MEGF11: variants seen among roughly 807,000 people sequenced by gnomAD.
The protein encoded by MEGF11 is multiple EGF like domains 11.
MEGF11 carries 126 observed loss-of-function variants against 146.6 expected under a neutral mutation model. The ratio of observed to expected loss-of-function variants is 0.86; its 90% CI spans 0.74 to 1.00. The LOEUF is 1.00. Ranked by LOEUF, MEGF11 falls within the 50% of genes least tolerant of loss-of-function variation. The pLI, the probability that MEGF11 is intolerant of heterozygous loss-of-function variation, is 0.00. For synonymous variants in MEGF11, 532 were observed against 583.4 expected (o/e 0.91, Z 1.27); for missense variants, 1,509 against 1,521.2 (o/e 0.99, Z 0.13).
Position 66,011,720 on chromosome 15 carries a change from C to CTATTATTATTATTATTAT in MEGF11, c.395-29250_395-29233dup, listed in dbSNP as rs55863629. On this transcript the variant is annotated intron_variant, in intron 5 of 25. Transcript: ENST00000395614. ...GAGAATGGACCCCCAGGGAATTTAG[C>CTATTATTATTATTATTAT]TATTATTATTATTATTATTATTATT... Among the ~76,000 whole-genome samples the CTATTATTATTATTATTAT allele has an allele frequency of 4.7e-3, 696 of 149,440 alleles. 4 individuals are homozygous for CTATTATTATTATTATTAT. The highest frequency in any genetic ancestry group is 0.022 in the South Asian group (101 of 4,602).
chr15:66,123,623 A>G (rs1359226897), intron 3 of MEGF11, among the ~76,000 whole-genome samples: 1 of 152,060 alleles, frequency 6.6e-6, no homozygotes, highest in Non-Finnish European at 1.5e-5. Context: ...CTGCCATCCC[A>G]AGTGTGAGGA....
At chr15:65,898,158 G>C in intron 25 of MEGF11, 64 bp from the exon 26 acceptor site, 1 of 1,533,754 alleles carries the variant, frequency 6.5e-7, no homozygotes, top group Non-Finnish European at 8.8e-7. Context: ...TGTTGGAGAG[G>C]AAGAGAGTTC....
At chr15:66,044,459 C>T (rs373038629) in intron 5 of MEGF11, among the ~76,000 whole-genome samples, 3 of 152,120 alleles carry the variant, frequency 2.0e-5, no homozygotes, top group African/African-American at 4.8e-5. Flanking sequence ...ATCTCTGATG[C>T]CACACACAGG....
At chr15:65,912,237 C>T in intron 20 of MEGF11, 37 bp from the exon 21 acceptor site, 1 of 1,184,928 alleles carries the variant, frequency 8.4e-7, no homozygotes. Flanking sequence ...CCATCATACC[C>T]CTGCCCCTGG....
chr15:66,245,790 T>A (rs1376708073), intron 1 of MEGF11, among the ~76,000 whole-genome samples: 1 of 152,022 alleles, frequency 6.6e-6, no homozygotes, highest in East Asian at 1.9e-4. Context: ...ACTATCCCAT[T>A]TACAGAGCCC....
intron 23 of MEGF11, 94 bp downstream of exon 23, chr15:65,908,940 C>A: frequency 1.3e-6 from 1 of 747,584 alleles, no homozygotes. Flanking sequence ...GTTCTGGGAC[C>A]ACAGGGTGGG....
intron 23 of MEGF11, among the ~76,000 whole-genome samples, chr15:65,907,667 A>G (rs932430516): frequency 1.3e-5 from 2 of 152,194 alleles, no homozygotes; most frequent in Non-Finnish European, 2.9e-5. Context: ...AACTGCCTAT[A>G]TGCTGGCATT....
At chr15:66,068,507 A>G (rs1389357797) in intron 5 of MEGF11, among the ~76,000 whole-genome samples, 1 of 152,206 alleles carries the variant, frequency 6.6e-6, no homozygotes, top group Non-Finnish European at 1.5e-5. Context: ...TCTAGTACCT[A>G]ATTTGAAAAA....
chr15:65,898,627 G>A, intron 25 of MEGF11, 101 bp downstream of exon 25: 3 of 1,539,328 alleles, frequency 1.9e-6, no homozygotes, highest in Non-Finnish European at 2.6e-6. Context: ...AACAAAAGAA[G>A]GATGTGTGGT....
chr15:66,239,692 G>A (rs1428491441), intron 1 of MEGF11, among the ~76,000 whole-genome samples: 1 of 152,338 alleles, frequency 6.6e-6, no homozygotes, highest in Non-Finnish European at 1.5e-5. Context: ...AGAAGCCAGA[G>A]CAGCTTCCGT....
At chr15:66,136,961 A>G (rs981852203) in intron 1 of MEGF11, among the ~76,000 whole-genome samples, 5 of 152,148 alleles carry the variant, frequency 3.3e-5, no homozygotes, top group Admixed American at 6.6e-5. Context: ...TGAGCCCAGG[A>G]GGCTGAGGCT....
chr15:65,920,822 C>T (rs903493589), intron 15 of MEGF11, among the ~76,000 whole-genome samples: 1 of 152,188 alleles, frequency 6.6e-6, no homozygotes, highest in African/African-American at 2.4e-5. Flanking sequence ...TAATAGCAAA[C>T]TCCATTAGAT....
At chr15:65,917,470 G>T (rs1219712295) in intron 16 of MEGF11, among the ~76,000 whole-genome samples, 2 of 152,174 alleles carry the variant, frequency 1.3e-5, no homozygotes, top group Admixed American at 1.3e-4. Context: ...GCTCCACAGG[G>T]TCTCTGTCCT....
intron 10 of MEGF11, among the ~76,000 whole-genome samples, chr15:65,933,154 G>A (rs1457817083): frequency 6.6e-6 from 1 of 152,100 alleles, no homozygotes; most frequent in Non-Finnish European, 1.5e-5. Flanking sequence ...TTCCCCGAAG[G>A]CCCCACGGTT....
rs182042633 is a variant in MEGF11, at chr15:66,010,720, T to C, written c.395-28232A>G. Among the ~76,000 whole-genome samples the C allele has an allele frequency of 1.3e-3, 203 of 152,306 alleles. 2 individuals carry two copies. Among genetic ancestry groups the C allele is most frequent in the Non-Finnish European group, 4.1e-4 (28 of 68,020 alleles). ...TTGGACGTGCATGATAACTTCCCTC[T>C]CTATCACTTGCATGTCTAGATGTTT... On this transcript the variant is annotated intron_variant, in intron 5 of 25. Transcript: ENST00000395614.
chr15:65,950,492 C>T (rs962584862), intron 10 of MEGF11, among the ~76,000 whole-genome samples: 2 of 151,892 alleles, frequency 1.3e-5, no homozygotes, highest in Admixed American at 6.6e-5. Flanking sequence ...GTGGGAGGAT[C>T]GCCTGAGCCC....
At chr15:65,998,966 G>A (rs1234839357) in intron 5 of MEGF11, among the ~76,000 whole-genome samples, 1 of 152,084 alleles carries the variant, frequency 6.6e-6, no homozygotes, top group Non-Finnish European at 1.5e-5. Context: ...AGTGGCCCAG[G>A]CCTCAGCACC....
At chr15:66,108,066 T>C (rs559998660) in intron 4 of MEGF11, among the ~76,000 whole-genome samples, 81 of 151,916 alleles carry the variant, frequency 5.3e-4, no homozygotes, top group Non-Finnish European at 1.0e-3. Context: ...GGATGGGGGT[T>C]CAAGGAGGCG....
chr15:66,242,401 T>A (rs1443771057), intron 1 of MEGF11, among the ~76,000 whole-genome samples: 1 of 140,778 alleles, frequency 7.1e-6, no homozygotes, highest in African/African-American at 2.7e-5. Flanking sequence ...AGAGTGAGAC[T>A]CTGTCTAAAA....
Sources: gnomAD v4.1 joint callset for allele counts (sites outside exome capture counted in the v4.1 genomes callset) on GRCh38, gnomAD v4.1.1 for gene constraint, MANE v1.5 for transcripts, NCBI Gene and HGNC (gene_info 2026-07-23, HGNC 2026-07-21) for gene names.